The following SIRPG variants were observed in gnomAD, a reference collection of about 807,000 sequenced individuals.
SIRPG encodes signal-regulatory protein gamma.
SIRPG carries 38 observed loss-of-function variants against 35.7 expected under a neutral mutation model. That is an observed-to-expected ratio of 1.06 (90% confidence interval 0.82 to 1.40). SIRPG has a LOEUF of 1.40. Ranked by LOEUF, SIRPG falls within the 40% of genes most tolerant of loss-of-function variation. The pLI is 0.00. For synonymous variants in SIRPG, 215 were observed against 190.4 expected, an observed-to-expected ratio of 1.13 and a Z score of -1.06; for missense variants, 519 against 483.0, an observed-to-expected ratio of 1.07 and a Z score of -0.70.
At chr20:1,648,774 T>C (rs1391136538) in intron 2 of SIRPG, among the ~76,000 whole-genome samples, 1 of 152,188 alleles carries the variant, frequency 6.6e-6, no homozygotes, top group African/African-American at 2.4e-5. Context: ...TCCTCATTTG[T>C]GGAACCAAAG....
intron 4 of SIRPG, among the ~76,000 whole-genome samples, chr20:1,635,014 G>A (rs906106389): frequency 6.6e-6 from 1 of 150,670 alleles, no homozygotes; most frequent in East Asian, 2.0e-4. Flanking sequence ...CTGCACTCCA[G>A]TCTGGGCGAC....
chr20:1,677,925 G>A, the SIRPG span, among the ~76,000 whole-genome samples: 2 of 152,096 alleles, frequency 1.3e-5, no homozygotes, highest in Non-Finnish European at 2.9e-5. Context: ...TATTTCATGG[G>A]CTCTTGACAC....
intron 4 of SIRPG, among the ~76,000 whole-genome samples, chr20:1,635,027 A>T (rs6043406): frequency 0.15 from 21,934 of 149,380 alleles, 1,753 homozygotes; most frequent in African/African-American, 0.19. Flanking sequence ...TGGGCGACAG[A>T]GCCAGACTCC....
At chr20:1,636,164 G>A in intron 3 of SIRPG, 24 bp downstream of exon 3, 1 of 1,602,062 alleles carries the variant, frequency 6.2e-7, no homozygotes, top group Non-Finnish European at 8.5e-7. Context: ...GTGTGGGCTT[G>A]GGCTGGGTGT....
the SIRPG span, among the ~76,000 whole-genome samples, chr20:1,672,406 G>A: frequency 6.6e-6 from 1 of 152,182 alleles, no homozygotes; most frequent in African/African-American, 2.4e-5. Flanking sequence ...GAAGAGCCGA[G>A]AGTTTGTAAG....
At chr20:1,635,143 G>T in intron 4 of SIRPG, 124 bp downstream of exon 4, 1 of 713,888 alleles carries the variant, frequency 1.4e-6, no homozygotes, top group Non-Finnish European at 2.3e-6. Flanking sequence ...GATTTGGGGG[G>T]ATGGAGCTGA....
At chr20:1,657,796 C>T, upstream of SIRPG, 1 of 1,257,426 alleles carries the variant, frequency 8.0e-7, no homozygotes, top group Non-Finnish European at 1.1e-6. Flanking sequence ...AGAAGACAAG[C>T]CCTGCCTCCC....
At chr20:1,652,322 A>C (rs532296097) in intron 1 of SIRPG, among the ~76,000 whole-genome samples, 2 of 152,312 alleles carry the variant, frequency 1.3e-5, no homozygotes, top group Admixed American at 1.3e-4. Context: ...TGCTCATCTG[A>C]AATGGGTCCC....
the SIRPG span, among the ~76,000 whole-genome samples, chr20:1,668,188 T>TTTCTTTTTCTTTTC: frequency 3.1e-4 from 20 of 63,570 alleles, no homozygotes; most frequent in African/African-American, 9.4e-4. Flanking sequence ...TCTTTCTTTC[T>TTTCTTTTTCTTTTC]TTTTCTTTTC....
the SIRPG span, among the ~76,000 whole-genome samples, chr20:1,675,112 A>G: frequency 6.6e-6 from 1 of 152,116 alleles, no homozygotes; most frequent in Admixed American, 6.6e-5. Context: ...GCCATAAAAC[A>G]CTATGGGCTC....
the SIRPG span, among the ~76,000 whole-genome samples, chr20:1,674,411 A>AAAGG: frequency 6.6e-6 from 1 of 152,128 alleles, no homozygotes; most frequent in Non-Finnish European, 1.5e-5. Flanking sequence ...TGAGCATTTA[A>AAAGG]AAGGATTTAA....
the SIRPG span, among the ~76,000 whole-genome samples, chr20:1,680,861 C>T: frequency 6.6e-6 from 1 of 152,138 alleles, no homozygotes; most frequent in African/African-American, 2.4e-5. Context: ...ATTTACTATT[C>T]ACTGTCTAAT....
the SIRPG span, among the ~76,000 whole-genome samples, chr20:1,678,847 G>A: frequency 6.6e-6 from 1 of 152,138 alleles, no homozygotes; most frequent in African/African-American, 2.4e-5. Flanking sequence ...AAAGAGAAGC[G>A]ATTCCTCTCA....
chr20:1,675,399 A>G, the SIRPG span, among the ~76,000 whole-genome samples: 6 of 152,208 alleles, frequency 3.9e-5, no homozygotes, highest in African/African-American at 1.2e-4. Context: ...GAACCTTTCT[A>G]AAGAGAGTGT....
At chr20:1,676,247 T>C in the SIRPG span, among the ~76,000 whole-genome samples, 915 of 152,286 alleles carry the variant, frequency 6.0e-3, 13 homozygotes, top group African/African-American at 0.021. Context: ...GGCAGTGTTC[T>C]TACATATGAA....
At chr20:1,666,029 C>T in the SIRPG span, among the ~76,000 whole-genome samples, 1 of 151,222 alleles carries the variant, frequency 6.6e-6, no homozygotes, top group Non-Finnish European at 1.5e-5. Flanking sequence ...GGACAAGATG[C>T]GAAGGTGGAA....
At chr20:1,654,132 G>T (rs111793791) in intron 1 of SIRPG, among the ~76,000 whole-genome samples, 3 of 151,958 alleles carry the variant, frequency 2.0e-5, no homozygotes, top group Admixed American at 6.6e-5. Context: ...CCAGCTACTT[G>T]GGAGGCTGAG....
rs1225704037 is a variant in SIRPG at position 1,629,321 on chromosome 20, C to CGAT, written c.*315_*317dup. 1 of 152,220 alleles carries CGAT rather than the reference C, an allele frequency of 6.6e-6. No homozygotes were observed. The highest frequency in any genetic ancestry group is 2.4e-5 in the African/African-American group (1 of 41,412). The allele number at this position is 152,220 out of a possible 1,614,324, so 9.4% of individuals were successfully genotyped here. On this transcript the variant is annotated 3_prime_UTR_variant, in exon 6 of 6. Coordinates refer to ENST00000303415, the MANE Select transcript of SIRPG (RefSeq NM_018556.4). The stretch of plus-strand genomic sequence containing the variant: ...CTGTGGTTTACGGTCAGTCTCAAGG[C>CGAT]GATGGATGGGAGTCCTGGTGTGTTT...
intron 1 of SIRPG, chr20:1,651,487 C>T (rs1449841837): frequency 6.6e-6 from 1 of 152,240 alleles, no homozygotes; most frequent in East Asian, 1.9e-4. Flanking sequence ...GAGCTCCTCC[C>T]ATATGGCTTC....
Sources: allele counts gnomAD v4.1 joint callset (sites outside exome capture counted in the v4.1 genomes callset), GRCh38; gene constraint gnomAD v4.1.1; transcripts MANE v1.5; gene names NCBI Gene and HGNC (gene_info 2026-07-23, HGNC 2026-07-21).